The following ATP10A variants were observed in gnomAD, a reference collection of about 807,000 sequenced individuals.
ATP10A encodes ATPase phospholipid transporting 10A (putative).
Under a neutral mutation model 147.8 loss-of-function variants are expected in ATP10A, and 111 were observed. The observed-to-expected ratio is 0.75, with a 90% CI of 0.64 to 0.88. The LOEUF (loss-of-function observed/expected upper bound fraction) is 0.88. Ranked by LOEUF, ATP10A falls within the 40% of genes least tolerant of loss-of-function variation. The pLI is 0.00. For missense variants in ATP10A, 1,927 were observed against 1,959.0 expected (o/e 0.98, Z 0.31); for synonymous variants, 875 against 841.6 (o/e 1.04, Z -0.69).
At chr15:25,722,730 T>C (rs759494382) in intron 6 of ATP10A, among the ~76,000 whole-genome samples, 1 of 152,160 alleles carries the variant, frequency 6.6e-6, no homozygotes, top group Non-Finnish European at 1.5e-5. Flanking sequence ...GAAGCACATA[T>C]ACGAGACAGC....
At chr15:25,770,450 C>T (rs1889277961) in intron 2 of ATP10A, among the ~76,000 whole-genome samples, 1 of 152,190 alleles carries the variant, frequency 6.6e-6, no homozygotes, top group Non-Finnish European at 1.5e-5. Context: ...CTCAGTGGCT[C>T]CTTTGCTAAA....
At chr15:25,864,522 T>C (rs1050735856), upstream of ATP10A, among the ~76,000 whole-genome samples, 1 of 152,110 alleles carries the variant, frequency 6.6e-6, no homozygotes, top group Non-Finnish European at 1.5e-5. Flanking sequence ...CTTACCCGGC[T>C]CCAGTTATGA....
At chr15:25,735,168 G>T (rs1887201752) in intron 3 of ATP10A, among the ~76,000 whole-genome samples, 1 of 152,146 alleles carries the variant, frequency 6.6e-6, no homozygotes, top group Non-Finnish European at 1.5e-5. Context: ...CACGGGAGGT[G>T]GCTGAGGCAT....
intron 15 of ATP10A, among the ~76,000 whole-genome samples, chr15:25,691,046 G>T (rs1900006961): frequency 6.6e-6 from 1 of 152,312 alleles, no homozygotes; most frequent in South Asian, 2.1e-4. Flanking sequence ...GTCAGCAAAT[G>T]AATCAACCAG....
chr15:25,741,565 C>T (rs1887583740), intron 2 of ATP10A, among the ~76,000 whole-genome samples: 1 of 152,098 alleles, frequency 6.6e-6, no homozygotes, highest in Non-Finnish European at 1.5e-5. Context: ...GAATAATTAC[C>T]CCAACTCTTT....
At chr15:25,692,116 C>T (rs1475664084) in intron 14 of ATP10A, among the ~76,000 whole-genome samples, 1 of 152,090 alleles carries the variant, frequency 6.6e-6, no homozygotes, top group Non-Finnish European at 1.5e-5. Flanking sequence ...TCATCATCTT[C>T]ATCATCATTA....
At chr15:25,747,259 C>G (rs1438971076) in intron 2 of ATP10A, among the ~76,000 whole-genome samples, 1 of 141,798 alleles carries the variant, frequency 7.1e-6, no homozygotes, top group African/African-American at 2.6e-5. Flanking sequence ...AACACTCCAG[C>G]CTGGGCAACA....
intron 2 of ATP10A, among the ~76,000 whole-genome samples, chr15:25,762,912 G>A (rs1453783209): frequency 6.6e-6 from 1 of 152,098 alleles, no homozygotes; most frequent in African/African-American, 2.4e-5. Flanking sequence ...TTTTATGTCA[G>A]TCAGACCTCA....
chr15:25,849,911 A>G (rs1265391381), intron 1 of ATP10A, among the ~76,000 whole-genome samples: 1 of 152,242 alleles, frequency 6.6e-6, no homozygotes, highest in Non-Finnish European at 1.5e-5. Context: ...GTTAAAAAAG[A>G]CACACACATC....
chr15:25,847,069 G>C (rs1394271908), intron 1 of ATP10A, among the ~76,000 whole-genome samples: 3 of 152,182 alleles, frequency 2.0e-5, no homozygotes, highest in Non-Finnish European at 4.4e-5. Flanking sequence ...GAGCATCTTT[G>C]TCAGCTATCC....
chr15:25,812,510 C>A (rs529743451), intron 1 of ATP10A, among the ~76,000 whole-genome samples: 1 of 152,326 alleles, frequency 6.6e-6, no homozygotes, highest in African/African-American at 2.4e-5. Context: ...TCCAAGAACA[C>A]TTGCATTTGT....
chr15:25,767,115 C>T (rs1889069384), intron 2 of ATP10A, among the ~76,000 whole-genome samples: 1 of 152,184 alleles, frequency 6.6e-6, no homozygotes, highest in Admixed American at 6.5e-5. Flanking sequence ...TCTAGAGAGC[C>T]ATTCCCTAAC....
intron 2 of ATP10A, among the ~76,000 whole-genome samples, chr15:25,772,645 G>A (rs1464884091): frequency 2.0e-5 from 3 of 152,176 alleles, no homozygotes; most frequent in African/African-American, 2.4e-5. Flanking sequence ...CTTGTTTCTC[G>A]CCAAGGGCTG....
At chr15:25,820,678 G>A (rs953698964) in intron 1 of ATP10A, among the ~76,000 whole-genome samples, 5 of 152,084 alleles carry the variant, frequency 3.3e-5, no homozygotes, top group African/African-American at 9.7e-5. Context: ...AATAAAGGTC[G>A]AATTTTATGT....
intron 13 of ATP10A, among the ~76,000 whole-genome samples, chr15:25,700,380 T>A (rs1900593489): frequency 1.3e-5 from 2 of 152,240 alleles, no homozygotes; most frequent in African/African-American, 2.4e-5. Flanking sequence ...AAAACCTGTA[T>A]ACACACATTT....
At chr15:25,683,238 G>C in intron 17 of ATP10A, 48 bp downstream of exon 17, 1 of 1,568,412 alleles carries the variant, frequency 6.4e-7, no homozygotes, top group Non-Finnish European at 8.8e-7. Flanking sequence ...AGTGAACGTG[G>C]AGGGCAGAGC....
In ATP10A at chr15:25,716,682, C is replaced by T. The variant is rs202180195; in HGVS notation, c.1776+48G>A. ...CTCAGGAGGACTGACAACCATGGCC[C>T]GCAGCGCAGAAGGTCAAGGTCAAGC... On this transcript the variant is annotated intron_variant, in intron 9 of 20. Transcript: ENST00000555815. 1.9e-4 allele frequency: 275 copies of T among 1,469,126 alleles called. No individual in the cohort carries two copies. The East Asian group carries it at 5.7e-3, about 30-fold the overall frequency. 91.0% of individuals were successfully genotyped at this position (1,469,126 alleles called of 1,614,324 possible). A position where few individuals can be genotyped will look rare whatever the true frequency, so the allele number is the denominator to read the frequency against.
intron 1 of ATP10A, among the ~76,000 whole-genome samples, chr15:25,824,743 G>A (rs1490588724): frequency 6.6e-6 from 1 of 151,952 alleles, no homozygotes; most frequent in African/African-American, 2.4e-5. Flanking sequence ...TCAAATATTA[G>A]CAACAATCCA....
chr15:25,684,712 ACATTTTCTGCTGG>A (rs1395023568), intron 16 of ATP10A, among the ~76,000 whole-genome samples: 5 of 152,192 alleles, frequency 3.3e-5, no homozygotes, highest in Non-Finnish European at 5.9e-5. Context: ...CGCTAGACAG[ACATTTTCTGCTGG>A]GCACCGCAAG....
Sources: allele counts gnomAD v4.1 joint callset (sites outside exome capture counted in the v4.1 genomes callset), GRCh38; gene constraint gnomAD v4.1.1; transcripts MANE v1.5; gene names NCBI Gene and HGNC (gene_info 2026-07-23, HGNC 2026-07-21).